The following SAP30BP variants were observed in gnomAD, a reference collection of about 807,000 sequenced individuals.
The protein encoded by SAP30BP is SAP30-binding protein.
A neutral mutation model predicts 46.3 loss-of-function variants in SAP30BP; 31 were observed. That is an observed-to-expected ratio of 0.67 (90% confidence interval 0.50 to 0.90). The LOEUF is 0.90. Among genes scored for constraint, SAP30BP ranks in the 40% least tolerant of loss-of-function variants. SAP30BP has a pLI of 0.00. For synonymous variants in SAP30BP, 169 were observed against 144.2 expected (o/e 1.17, Z -1.23); for missense variants, 312 against 391.0 (o/e 0.80, Z 1.70).
intron 9 of SAP30BP, 59 bp from the exon 10 acceptor site, chr17:75,705,949 C>T: frequency 1.2e-6 from 2 of 1,603,222 alleles, no homozygotes; most frequent in Non-Finnish European, 1.7e-6. Flanking sequence ...TGACGGATGG[C>T]AAAAAGCTGT....
intron 8 of SAP30BP, 117 bp from the exon 9 acceptor site, chr17:75,704,639 A>G (rs1320260495): frequency 3.8e-6 from 3 of 796,888 alleles, no homozygotes; most frequent in Non-Finnish European, 6.6e-6. Flanking sequence ...AGCACAAAGA[A>G]CACTGAGCCC....
chr17:75,674,700 T>G (rs1599099839), intron 3 of SAP30BP, among the ~76,000 whole-genome samples: 2 of 47,944 alleles, frequency 4.2e-5, no homozygotes, highest in Non-Finnish European at 1.0e-4. Flanking sequence ...GTTTTTTGTT[T>G]TTTTTTTTTT....
At position 75,667,461 on chromosome 17, in the gene SAP30BP, C is replaced by T. The variant is rs765189290; in HGVS notation, c.89C>T (p.Ala30Val). The change falls in exon 1 of 11, where the codon GCG becomes GTG. Residue 30 changes from alanine to valine, a missense_variant. Ala to Val is a moderately conservative substitution (Grantham distance 64, BLOSUM62 0). Transcript: ENST00000584667. ...TCTGATGGCGAGGCTGGAATCGAGG[C>T]GGTGGGCAGCGCGGCTGGTAAGGCC... The part of the protein sequence containing the change: ...PESDGEAGIE[A>V]VGSAAEEKGG... The T allele has an allele frequency of 4.3e-6, 7 of 1,613,934 alleles. No homozygotes were observed. The highest frequency in any genetic ancestry group is 5.9e-6 in the Non-Finnish European group (7 of 1,179,992).
At chr17:75,696,115 TC>T (rs2060313728) in intron 4 of SAP30BP, among the ~76,000 whole-genome samples, 1 of 152,094 alleles carries the variant, frequency 6.6e-6, no homozygotes, top group Non-Finnish European at 1.5e-5. Flanking sequence ...GCTTCTCAAG[TC>T]CTAAGTGCGG....
chr17:75,668,402 G>T (rs1042327918), intron 1 of SAP30BP, 114 bp from the exon 2 acceptor site: 13 of 609,264 alleles, frequency 2.1e-5, no homozygotes, highest in Non-Finnish European at 2.8e-5. Context: ...GGTTCCCTTT[G>T]TATCTTCAGA....
At chr17:75,698,069 G>C (rs2060349111) in intron 4 of SAP30BP, among the ~76,000 whole-genome samples, 1 of 152,254 alleles carries the variant, frequency 6.6e-6, no homozygotes, top group African/African-American at 2.4e-5. Flanking sequence ...TTTCATGAGA[G>C]AGTGTTTTGA....
chr17:75,683,763 C>G (rs753454609), intron 3 of SAP30BP: 1 of 152,154 alleles, frequency 6.6e-6, no homozygotes, highest in Non-Finnish European at 1.5e-5. Flanking sequence ...CTGTGAGTCC[C>G]CAGGAAGTCT....
chr17:75,680,011 C>T (rs1340439431), intron 3 of SAP30BP: 5 of 152,206 alleles, frequency 3.3e-5, no homozygotes, highest in Non-Finnish European at 7.3e-5. Context: ...GTGGATGAAG[C>T]TGTTTCCATT....
intron 4 of SAP30BP, among the ~76,000 whole-genome samples, chr17:75,694,051 C>T (rs982197201): frequency 3.3e-5 from 5 of 152,168 alleles, no homozygotes; most frequent in Non-Finnish European, 7.3e-5. Context: ...GCTCCTTTCA[C>T]GTGGCTCCCA....
chr17:75,671,854 T>C lies in SAP30BP; in HGVS notation c.255T>C (p.Asp85=). The C allele has an allele frequency of 4.3e-6, 7 of 1,613,656 alleles. 1 individual carries two copies. The highest frequency in any genetic ancestry group is 5.9e-6 in the Non-Finnish European group (7 of 1,179,550). The change falls in exon 3 of 11, where the codon GAT becomes GAC. Residue 85 remains aspartate (D), a synonymous_variant. Transcript: ENST00000584667. ...CAGAGACTGAAAAACCTGAGGCTGA[T>C]GACCCAAAGGTATTTGGTGTTGGCT... The part of the protein sequence containing the change: ...DDSETEKPEA[D]DPKDNTEAEK...
intron 5 of SAP30BP, chr17:75,700,150 C>T (rs2060385959): frequency 4.2e-6 from 1 of 239,556 alleles, no homozygotes; most frequent in Non-Finnish European, 8.1e-6. Context: ...GAGAAAAGAA[C>T]GTAACCTTTT....
chr17:75,687,690 C>T (rs1022173001), intron 3 of SAP30BP, among the ~76,000 whole-genome samples: 2 of 151,740 alleles, frequency 1.3e-5, no homozygotes, highest in Admixed American at 1.3e-4. Context: ...TGTAATTCAG[C>T]GTTGGTGTCC....
chr17:75,668,352 G>C (rs991637550), intron 1 of SAP30BP, among the ~76,000 whole-genome samples, 164 bp from the exon 2 acceptor site: 1 of 152,190 alleles, frequency 6.6e-6, no homozygotes, highest in Non-Finnish European at 1.5e-5. Context: ...CCTTCTCAGA[G>C]AGCCGAATCT....
intron 3 of SAP30BP, chr17:75,693,200 G>T: frequency 2.0e-6 from 1 of 503,664 alleles, no homozygotes; most frequent in Non-Finnish European, 3.6e-6. Flanking sequence ...TTTGGTCACT[G>T]AAAAGGCATG....
In SAP30BP at chr17:75,693,485, G is replaced by A; in HGVS notation, c.307+3G>A. The A allele has an allele frequency of 3.1e-6, 5 of 1,613,680 alleles. No homozygotes were observed. The highest frequency in any genetic ancestry group is 4.2e-6 in the Non-Finnish European group (5 of 1,179,704). On this transcript the variant is annotated splice_donor_region_variant and intron_variant, in intron 4 of 10. Transcript: ENST00000584667. ...GCGAGACCCCCAGGAACTCGTGGGT[G>A]AGTATTGGGGGATCCTGGGGGCACG...
chr17:75,690,622 C>T (rs1036886339), intron 3 of SAP30BP: 1 of 453,454 alleles, frequency 2.2e-6, no homozygotes, highest in African/African-American at 2.0e-5. Flanking sequence ...CCTGACCAAG[C>T]GAGCACTTTA....
chr17:75,704,687 C>T (rs2060467945), intron 8 of SAP30BP, 69 bp from the exon 9 acceptor site: 12 of 1,149,380 alleles, frequency 1.0e-5, no homozygotes, highest in Non-Finnish European at 1.6e-5. Flanking sequence ...ACGCAGGGAT[C>T]AGAGTAGGCT....
intron 3 of SAP30BP, among the ~76,000 whole-genome samples, chr17:75,682,787 C>A (rs1303590056): frequency 9.5e-6 from 1 of 105,770 alleles, no homozygotes; most frequent in African/African-American, 6.4e-5. Flanking sequence ...CATAGTGAAA[C>A]CCCCATCTCT....
At chr17:75,685,111 G>A (rs1469276766) in intron 3 of SAP30BP, among the ~76,000 whole-genome samples, 3 of 152,254 alleles carry the variant, frequency 2.0e-5, no homozygotes, top group Middle Eastern at 6.8e-3. Context: ...CAGCCCACAG[G>A]GAGCCACCGC....
Sources: gnomAD v4.1 joint callset for allele counts (sites outside exome capture counted in the v4.1 genomes callset) on GRCh38, gnomAD v4.1.1 for gene constraint, MANE v1.5 for transcripts, NCBI Gene and HGNC (gene_info 2026-07-23, HGNC 2026-07-21) for gene names.